BIRC6: variants seen among roughly 807,000 people sequenced by gnomAD.
BIRC6 encodes the protein baculoviral IAP repeat containing 6.
A neutral mutation model predicts 503.3 loss-of-function variants in BIRC6; 98 were observed. The observed-to-expected ratio is 0.19, with a 90% confidence interval of 0.17 to 0.23. The LOEUF (loss-of-function observed/expected upper bound fraction) is 0.23. Among genes scored for constraint, BIRC6 ranks in the 10% least tolerant of loss-of-function variants. The probability of loss-of-function intolerance (pLI) is 1.00; values close to 1 mark genes in which losing one functional copy is unlikely to be tolerated. For synonymous variants in BIRC6, 2,240 were observed against 2,078.7 expected (o/e 1.08, Z -2.11); for missense variants, 5,360 against 5,806.0 (o/e 0.92, Z 2.50).
rs1315803459 is a variant in BIRC6 at position 32,478,735 on chromosome 2, C to T, written c.7169C>T (p.Thr2390Ile). The T allele has an allele frequency of 6.2e-7, 1 of 1,613,934 alleles. No individual in the cohort carries two copies. Reference sequence around the variant, plus strand: ...AGACTGCTGTTACTTTTGGTTGGAACTGACTTCAATAGAGGAGATATATCT... The same window carrying T: ...AGACTGCTGTTACTTTTGGTTGGAATTGACTTCAATAGAGGAGATATATCT... ...LERLLLLLVG[T>I]DFNRGDISWG... The change falls in exon 36 of 74, where the codon ACT becomes ATT. Residue 2390 changes from threonine (T) to isoleucine (I), a missense_variant. Physicochemically the swap from Thr to Ile is moderately conservative, Grantham distance 89. This residue lies in a region of BIRC6 where 2,299 missense variants were observed against 2,267.2 expected (regional missense o/e 1.01). Coordinates refer to ENST00000421745, the MANE Select transcript of BIRC6 (RefSeq NM_016252.4).
intron 54 of BIRC6, among the ~76,000 whole-genome samples, chr2:32,514,317 G>A (rs536009540): frequency 3.3e-5 from 5 of 152,124 alleles, no homozygotes; most frequent in East Asian, 1.9e-4. Flanking sequence ...AGAGCAAGAC[G>A]TCATCTCAAA....
At chr2:32,452,739 G>A (rs1485772525) in intron 22 of BIRC6, among the ~76,000 whole-genome samples, 1 of 152,108 alleles carries the variant, frequency 6.6e-6, no homozygotes, top group East Asian at 1.9e-4. Context: ...TTTCTCTTAA[G>A]TAAAACCTTG....
rs990121311 is a variant in BIRC6, at chr2:32,360,206, A to G, written c.325+2720A>G. Among the ~76,000 whole-genome samples the G allele has an allele frequency of 3.3e-5, 5 of 152,304 alleles. No homozygotes were observed. The South Asian group carries it at 1.0e-3, about 32-fold the overall frequency. ...TATGGACGCCTGGGGTTCAGTTTAT[A>G]GGGTTATGGGTTGCCTGTAGATTTG... On this transcript the variant is annotated intron_variant, in intron 1 of 73. Transcript: ENST00000421745.
chr2:32,588,304 C>G (rs2061192302), intron 66 of BIRC6, among the ~76,000 whole-genome samples: 1 of 152,136 alleles, frequency 6.6e-6, no homozygotes, highest in Non-Finnish European at 1.5e-5. Context: ...TGCAGTGAGC[C>G]AAGATCTGCC....
intron 21 of BIRC6, among the ~76,000 whole-genome samples, chr2:32,446,743 T>TTG: frequency 1.7e-5 from 2 of 119,680 alleles, no homozygotes; most frequent in Non-Finnish European, 3.5e-5. Flanking sequence ...GCGCTGTTTT[T>TTG]TTTTTTTTTT....
At chr2:32,594,092 A>G (rs775083849) in intron 67 of BIRC6, 32 bp downstream of exon 67, 3 of 1,590,948 alleles carry the variant, frequency 1.9e-6, no homozygotes, top group Non-Finnish European at 8.6e-7. Context: ...GCCACTTTTC[A>G]TTTGATGTAA....
chr2:32,423,674 A>AC (rs927825547), intron 10 of BIRC6, among the ~76,000 whole-genome samples: 31 of 150,736 alleles, frequency 2.1e-4, no homozygotes, highest in Middle Eastern at 3.4e-3. Context: ...GGGCCCATCC[A>AC]CCCCCCCAAT....
chr2:32,445,342 T>C (rs1304475528), intron 20 of BIRC6, among the ~76,000 whole-genome samples, 179 bp from the exon 21 acceptor site: 2 of 152,248 alleles, frequency 1.3e-5, no homozygotes, highest in Admixed American at 1.3e-4. Flanking sequence ...ATATTTTAAG[T>C]GTCCTCTTTG....
intron 73 of BIRC6, among the ~76,000 whole-genome samples, chr2:32,615,120 C>T (rs565155736): frequency 6.6e-6 from 1 of 152,218 alleles, no homozygotes; most frequent in South Asian, 2.1e-4. Flanking sequence ...TACAACAACC[C>T]GATCTCGTGA....
chr2:32,429,799 G>T (rs752892477), intron 11 of BIRC6, among the ~76,000 whole-genome samples: 13 of 152,116 alleles, frequency 8.5e-5, no homozygotes. Context: ...TATTTGCCTT[G>T]TAGACTTTTA....
At chr2:32,420,237 G>A (rs892585033) in intron 10 of BIRC6, among the ~76,000 whole-genome samples, 44 of 152,152 alleles carry the variant, frequency 2.9e-4, no homozygotes, top group African/African-American at 1.0e-3. Context: ...AGAATGAGTT[G>A]GGAAGTATTC....
chr2:32,476,583 G>C (rs1045817613), intron 34 of BIRC6, among the ~76,000 whole-genome samples: 4 of 152,142 alleles, frequency 2.6e-5, no homozygotes, highest in African/African-American at 9.7e-5. Context: ...GAAGATAAAG[G>C]ATAGTGGAAT....
chr2:32,467,767 T>A (rs376895182), intron 27 of BIRC6, 28 bp downstream of exon 27: 1 of 1,575,940 alleles, frequency 6.3e-7, no homozygotes, highest in Admixed American at 1.8e-5. Context: ...AGTAAATTGA[T>A]ACGCTTTCTA....
At chr2:32,407,026 A>T (rs1184731895) in intron 9 of BIRC6, among the ~76,000 whole-genome samples, 7 of 152,346 alleles carry the variant, frequency 4.6e-5, no homozygotes, top group Middle Eastern at 3.4e-3. Context: ...TTTGTAGGAA[A>T]AGCTAATAGT....
Position 32,594,058 on chromosome 2 carries a change from A to G in BIRC6, c.13499A>G (p.Gln4500Arg), listed in dbSNP as rs764879476. The change falls in exon 67 of 74, where the codon CAG becomes CGG. Residue 4500 changes from glutamine (Q) to arginine (R), a missense_variant and splice_region_variant. Physicochemically the swap from Gln to Arg is conservative, Grantham distance 43. Transcript: ENST00000421745. ...AATTSLRQANQEKKLGEYSKK... is the reference protein window; with the variant it reads ...AATTSLRQANREKKLGEYSKK... ...ACCACCAGTTTGCGGCAAGCAAATC[A>G]GGGTACAAAACTTTTCCTATTATGC... is the stretch of plus-strand genomic sequence containing the variant. 1.9e-6 allele frequency: 3 copies of G among 1,608,986 alleles called. No individual in the cohort carries two copies. The highest frequency in any genetic ancestry group is 2.5e-6 in the Non-Finnish European group (3 of 1,178,042).
At chr2:32,546,581 A>G (rs149004831) in intron 63 of BIRC6, among the ~76,000 whole-genome samples, 2 of 152,078 alleles carry the variant, frequency 1.3e-5, no homozygotes, top group African/African-American at 4.8e-5. Flanking sequence ...ACTGTGTCTC[A>G]AAAAGAAAAA....
At chr2:32,565,132 A>G (rs2059444513) in intron 65 of BIRC6, 1 of 152,228 alleles carries the variant, frequency 6.6e-6, no homozygotes, top group Non-Finnish European at 1.5e-5. Flanking sequence ...CTTCCCTCTC[A>G]TGCTAGCAAG....
chr2:32,549,447 C>A lies in BIRC6; in HGVS notation c.13110C>A (p.Ile4370=). ...LLELLSQSCL[I]PAMSSYLRND... Reference sequence around the variant, plus strand: ...AGCTTCTCAGTCAGTCCTGCCTCATCCCAGCCATGTCATCTTATCTACGAA... The same window carrying A: ...AGCTTCTCAGTCAGTCCTGCCTCATACCAGCCATGTCATCTTATCTACGAA... Residue 4370 remains isoleucine, a synonymous_variant, in exon 65 of 74, where the codon ATC becomes ATA. Transcript: ENST00000421745. The A allele has an allele frequency of 6.8e-7, 1 of 1,467,148 alleles. No homozygotes were observed. Among genetic ancestry groups the A allele is most frequent in the Non-Finnish European group, 9.2e-7 (1 of 1,086,790 alleles). The allele number at this position is 1,467,148 out of a possible 1,614,324, so 90.9% of individuals were successfully genotyped here. A position where few individuals can be genotyped will look rare whatever the true frequency, so the allele number is the denominator to read the frequency against.
At chr2:32,549,164 T>C (rs1290887822) in intron 64 of BIRC6, 149 bp from the exon 65 acceptor site, 35 of 536,030 alleles carry the variant, frequency 6.5e-5, no homozygotes, top group Non-Finnish European at 7.5e-5. Flanking sequence ...TTTTGAAAAT[T>C]TAAACAAATA....
Sources: allele counts gnomAD v4.1 joint callset (sites outside exome capture counted in the v4.1 genomes callset), GRCh38; gene constraint gnomAD v4.1.1; regional missense constraint gnomAD v4.1.1; transcripts MANE v1.5; gene names NCBI Gene and HGNC (gene_info 2026-07-23, HGNC 2026-07-21).